CNTNAP3B: variants seen among roughly 807,000 people sequenced by gnomAD.
CNTNAP3B encodes the protein contactin associated protein family member 3B.
A neutral mutation model predicts 108.9 loss-of-function variants in CNTNAP3B; 25 were observed. That is an observed-to-expected ratio of 0.23 (90% CI 0.17 to 0.32). The LOEUF (loss-of-function observed/expected upper bound fraction) is 0.32, where lower values mean the gene tolerates loss of function less well. Ranked by LOEUF, CNTNAP3B falls within the 10% of genes least tolerant of loss-of-function variation. The probability of loss-of-function intolerance (pLI) is 1.00; values close to 1 mark genes in which losing one functional copy is unlikely to be tolerated. For synonymous variants in CNTNAP3B, 103 were observed against 473.4 expected, an observed-to-expected ratio of 0.22 and a Z score of 10.16; for missense variants, 252 against 1,210.4, an observed-to-expected ratio of 0.21 and a Z score of 11.75.
chr9:41,982,063 C>CAAAAAA (rs541712479), intron 9 of CNTNAP3B, among the ~76,000 whole-genome samples: 1 of 42,432 alleles, frequency 2.4e-5, no homozygotes, highest in Non-Finnish European at 3.8e-5. Flanking sequence ...TCTAAAGTCT[C>CAAAAAA]AAAAAAAAAA....
chr9:42,071,262 C>T (rs1165496891), intron 3 of CNTNAP3B, among the ~76,000 whole-genome samples: 6 of 146,168 alleles, frequency 4.1e-5, no homozygotes, highest in African/African-American at 1.1e-4. Context: ...GTTCTATGCA[C>T]ATTAGGGGTT....
In CNTNAP3B at chr9:42,116,238, G is replaced by A. The variant is rs1448863204; in HGVS notation, c.86-11499C>T. Among the ~76,000 whole-genome samples the A allele has an allele frequency of 4.4e-5, 6 of 135,732 alleles. 1 individual carries two copies. The highest frequency in any genetic ancestry group is 9.4e-5 in the Non-Finnish European group (6 of 64,010). The allele number at this position is 135,732 out of a possible 152,430, so 89.0% of individuals were successfully genotyped here. A position where few individuals can be genotyped will look rare whatever the true frequency, so the allele number is the denominator to read the frequency against. On this transcript the variant is annotated intron_variant, in intron 1 of 23. Transcript: ENST00000377561. ...GACTGTGAAAAGATTCACCAAACTT[G>A]AAATGAAGGAAAAAATATTAAGGGC...
At chr9:41,930,685 C>T (rs1043176303) in intron 14 of CNTNAP3B, among the ~76,000 whole-genome samples, 135 of 152,332 alleles carry the variant, frequency 8.9e-4, no homozygotes, top group African/African-American at 2.7e-3. Context: ...CTATTGAATA[C>T]CATGAGTATT....
intron 11 of CNTNAP3B, among the ~76,000 whole-genome samples, chr9:41,961,467 T>C (rs532523426): frequency 6.6e-6 from 1 of 152,426 alleles, no homozygotes; most frequent in East Asian, 1.9e-4. Flanking sequence ...AACTCTATAA[T>C]TAAGGAAGAA....
At chr9:42,118,104 G>A (rs1828363997) in intron 1 of CNTNAP3B, among the ~76,000 whole-genome samples, 1 of 137,406 alleles carries the variant, frequency 7.3e-6, no homozygotes, top group African/African-American at 2.9e-5. Context: ...GGTACAAGGA[G>A]GAACTGGTAC....
rs1219501970 is a variant in CNTNAP3B at position 42,086,011 on chromosome 9, A to C, written c.197-8949T>G. ...TTGTCTACTGTATTAGTCCATCTTC[A>C]CACTGCTGATGAAGACATATCTGAG... On this transcript the variant is annotated intron_variant, in intron 2 of 23. Transcript: ENST00000377561. Among the ~76,000 whole-genome samples, 4 of 140,374 alleles carry C rather than the reference A, an allele frequency of 2.8e-5. No homozygotes were observed. The East Asian group carries it at 8.6e-4, about 30-fold the overall frequency. 92.1% of individuals were successfully genotyped at this position (140,374 alleles called of 152,430 possible).
At chr9:42,111,922 A>G (rs1828199977) in intron 1 of CNTNAP3B, among the ~76,000 whole-genome samples, 1 of 138,858 alleles carries the variant, frequency 7.2e-6, no homozygotes, top group East Asian at 2.2e-4. Flanking sequence ...AACGGTTTTA[A>G]ACTATTGCTG....
intron 9 of CNTNAP3B, among the ~76,000 whole-genome samples, chr9:41,977,963 A>T (rs1258342521): frequency 7.3e-6 from 1 of 137,426 alleles, no homozygotes. Flanking sequence ...TGTCTCCAAC[A>T]TAATTTTAAA....
chr9:41,967,376 A>T (rs1295469396), intron 10 of CNTNAP3B, among the ~76,000 whole-genome samples: 1 of 151,832 alleles, frequency 6.6e-6, no homozygotes, highest in Non-Finnish European at 1.5e-5. Context: ...GCGTGCTGCC[A>T]TATAAGACGT....
chr9:41,945,150 A>C (rs1824487632), intron 13 of CNTNAP3B, among the ~76,000 whole-genome samples: 1 of 152,310 alleles, frequency 6.6e-6, no homozygotes. Flanking sequence ...AAATAGGAAC[A>C]CTTTTACACT....
chr9:41,961,072 T>C (rs554148396), intron 11 of CNTNAP3B, among the ~76,000 whole-genome samples, 180 bp from the exon 12 acceptor site: 3 of 152,424 alleles, frequency 2.0e-5, no homozygotes, highest in Non-Finnish European at 2.9e-5. Flanking sequence ...AAATTAAATC[T>C]ATTTTTATTA....
rs1174997549 is a variant in CNTNAP3B, at chr9:42,115,003, A to G, written c.86-10264T>C. Among the ~76,000 whole-genome samples the G allele has an allele frequency of 2.2e-5, 3 of 137,252 alleles. 1 individual carries two copies. Among genetic ancestry groups the G allele is most frequent in the African/African-American group, 8.8e-5 (3 of 34,234 alleles). The allele number at this position is 137,252 out of a possible 152,430, so 90.0% of individuals were successfully genotyped here. ...CGGGAGGTGGAGGTTGCAGTGAGCC[A>G]AGATTGTGCCACTGCTCTCCAGCCT... On this transcript the variant is annotated intron_variant, in intron 1 of 23. Transcript: ENST00000377561.
At chr9:41,938,974 G>C (rs183251106) in intron 13 of CNTNAP3B, among the ~76,000 whole-genome samples, 220 of 152,196 alleles carry the variant, frequency 1.4e-3, no homozygotes, top group Admixed American at 2.4e-3. Flanking sequence ...TCTCATCTCT[G>C]AGGTTAGAAA....
chr9:41,962,279 C>CA (rs2118216165), intron 11 of CNTNAP3B, among the ~76,000 whole-genome samples: 1 of 152,394 alleles, frequency 6.6e-6, no homozygotes, highest in South Asian at 2.1e-4. Flanking sequence ...AGTCTAGTCT[C>CA]ACAGTGAATG....
intron 14 of CNTNAP3B, among the ~76,000 whole-genome samples, chr9:41,935,223 G>A (rs1290709091): frequency 6.6e-6 from 1 of 152,292 alleles, no homozygotes; most frequent in African/African-American, 2.4e-5. Flanking sequence ...CTGAGGAACT[G>A]TCTGATCATA....
intron 1 of CNTNAP3B, among the ~76,000 whole-genome samples, chr9:42,119,890 A>G (rs1828419547): frequency 7.1e-6 from 1 of 140,590 alleles, no homozygotes; most frequent in East Asian, 2.2e-4. Context: ...AAACCTAGGC[A>G]ATACCATTCA....
At chr9:41,939,731 A>C (rs997184500) in intron 13 of CNTNAP3B, among the ~76,000 whole-genome samples, 11 of 152,406 alleles carry the variant, frequency 7.2e-5, no homozygotes, top group African/African-American at 2.6e-4. Flanking sequence ...GTGTAAATTT[A>C]CATCTAAATC....
intron 15 of CNTNAP3B, among the ~76,000 whole-genome samples, chr9:41,927,030 C>A (rs895228715): frequency 2.0e-5 from 3 of 152,294 alleles, no homozygotes; most frequent in Admixed American, 6.5e-5. Context: ...TGCAGATATA[C>A]CCTCCATGCT....
chr9:41,967,800 A>T (rs1288664749), intron 10 of CNTNAP3B, among the ~76,000 whole-genome samples: 1 of 152,288 alleles, frequency 6.6e-6, no homozygotes, highest in South Asian at 2.1e-4. Context: ...TGGGAATGAA[A>T]TAGTAAATAG....
Sources: gnomAD v4.1 joint callset for allele counts (sites outside exome capture counted in the v4.1 genomes callset) on GRCh38, gnomAD v4.1.1 for gene constraint, MANE v1.5 for transcripts, NCBI Gene and HGNC (gene_info 2026-07-23, HGNC 2026-07-21) for gene names.